DYNC1I1: variants seen among roughly 807,000 people sequenced by gnomAD.
The protein encoded by DYNC1I1 is dynein cytoplasmic 1 intermediate chain 1.
A neutral mutation model predicts 86.6 loss-of-function variants in DYNC1I1; 43 were observed. That is an observed-to-expected ratio of 0.50 (90% CI 0.39 to 0.64). DYNC1I1 has a LOEUF of 0.64. Ranked by LOEUF, DYNC1I1 falls within the 30% of genes least tolerant of loss-of-function variation. The pLI is 0.00. For missense variants in DYNC1I1, 604 were observed against 788.8 expected, an observed-to-expected ratio of 0.77 and a Z score of 2.81; for synonymous variants, 262 against 283.7, an observed-to-expected ratio of 0.92 and a Z score of 0.77.
At chr7:95,795,527 A>G (rs1794412800) in intron 1 of DYNC1I1, among the ~76,000 whole-genome samples, 1 of 152,216 alleles carries the variant, frequency 6.6e-6, no homozygotes, top group Non-Finnish European at 1.5e-5. Context: ...AAAATGTGGT[A>G]TATGTATGCC....
chr7:95,935,091 G>A (rs1166860058), intron 6 of DYNC1I1, among the ~76,000 whole-genome samples: 2 of 151,810 alleles, frequency 1.3e-5, no homozygotes, highest in Non-Finnish European at 1.5e-5. Context: ...TATTCACCTT[G>A]CTTGAGTGAA....
chr7:95,904,238 C>G (rs1169098010), intron 6 of DYNC1I1, among the ~76,000 whole-genome samples: 1 of 152,104 alleles, frequency 6.6e-6, no homozygotes, highest in African/African-American at 2.4e-5. Context: ...TACCAAGGAC[C>G]TGGACCCTAG....
chr7:96,078,863 A>G (rs146697759), intron 15 of DYNC1I1, among the ~76,000 whole-genome samples: 1 of 152,290 alleles, frequency 6.6e-6, no homozygotes, highest in African/African-American at 2.4e-5. Flanking sequence ...CACAGTCATA[A>G]TAAAGTGTAT....
intron 6 of DYNC1I1, among the ~76,000 whole-genome samples, chr7:95,902,192 G>T (rs1362272971): frequency 6.6e-6 from 1 of 152,168 alleles, no homozygotes; most frequent in Non-Finnish European, 1.5e-5. Context: ...ATGAGCCCAG[G>T]AGATAATTGC....
chr7:96,028,449 C>A, intron 11 of DYNC1I1, 128 bp downstream of exon 11: 1 of 1,260,272 alleles, frequency 7.9e-7, no homozygotes, highest in Non-Finnish European at 1.1e-6. Flanking sequence ...ATGATTGAAT[C>A]CTGACCAGCT....
intron 14 of DYNC1I1, chr7:96,055,723 A>G (rs1015298743): frequency 3.3e-5 from 5 of 152,224 alleles, no homozygotes; most frequent in Non-Finnish European, 7.3e-5. Flanking sequence ...TTGTAAAAGA[A>G]ATATTGAAAT....
chr7:95,838,877 T>C (rs1264014000), intron 5 of DYNC1I1, among the ~76,000 whole-genome samples: 1 of 152,140 alleles, frequency 6.6e-6, no homozygotes, highest in Non-Finnish European at 1.5e-5. Flanking sequence ...TTTTGTGGAG[T>C]CTATAAAGTT....
At chr7:96,093,142 C>T (rs370919135) in intron 16 of DYNC1I1, among the ~76,000 whole-genome samples, 6 of 152,084 alleles carry the variant, frequency 3.9e-5, no homozygotes, top group East Asian at 1.9e-4. Context: ...TGCCACAAAA[C>T]GTATCATTTT....
chr7:96,048,067 C>T (rs1368358528), intron 14 of DYNC1I1, among the ~76,000 whole-genome samples: 1 of 151,828 alleles, frequency 6.6e-6, no homozygotes, highest in African/African-American at 2.4e-5. Context: ...GAGTCAGAGG[C>T]AGTTATCTGT....
chr7:96,071,400 C>T (rs944878221), intron 14 of DYNC1I1, among the ~76,000 whole-genome samples: 2 of 152,158 alleles, frequency 1.3e-5, no homozygotes, highest in Non-Finnish European at 1.5e-5. Flanking sequence ...TCGTAAGATG[C>T]GAAAAGTAAG....
Position 96,076,074 on chromosome 7 carries a change from C to T in DYNC1I1, c.1527C>T (p.Tyr509=). The change falls in exon 15 of 17, where the codon TAC becomes TAT. Residue 509 remains tyrosine, a synonymous_variant. Transcript: ENST00000447467. The part of the protein sequence containing the change: ...LWTTKHNKPL[Y]SFEDNADYVY... The stretch of plus-strand genomic sequence containing the variant: ...CTTTACAGCACAACAAGCCGCTCTA[C>T]TCCTTTGAAGACAATGCAGACTATG... The T allele has an allele frequency of 6.2e-7, 1 of 1,614,062 alleles. No individual in the cohort carries two copies. The highest frequency in any genetic ancestry group is 2.2e-5 in the East Asian group (1 of 44,870).
chr7:96,002,142 C>T (rs1490303419), intron 10 of DYNC1I1, among the ~76,000 whole-genome samples: 2 of 152,126 alleles, frequency 1.3e-5, no homozygotes, highest in African/African-American at 2.4e-5. Flanking sequence ...GAGGTGAGAC[C>T]CTCTCCACAA....
chr7:95,812,743 C>G (rs1794857236), intron 3 of DYNC1I1, among the ~76,000 whole-genome samples: 1 of 152,190 alleles, frequency 6.6e-6, no homozygotes. Flanking sequence ...CCACAGAGTA[C>G]ATTTCTCTCT....
At chr7:95,803,213 A>G (rs1794623065) in intron 1 of DYNC1I1, among the ~76,000 whole-genome samples, 1 of 152,234 alleles carries the variant, frequency 6.6e-6, no homozygotes, top group Admixed American at 6.5e-5. Context: ...GTGATAATGA[A>G]TGTCAAAGGC....
At chr7:95,892,890 C>T (rs867681220) in intron 6 of DYNC1I1, among the ~76,000 whole-genome samples, 1 of 152,194 alleles carries the variant, frequency 6.6e-6, no homozygotes. Flanking sequence ...AATCCACAAT[C>T]ACTTGCTTTT....
Position 95,950,067 on chromosome 7 carries a change from T to G in DYNC1I1, c.491-27445T>G, listed in dbSNP as rs985657952. 8.0e-4 allele frequency among the ~76,000 whole-genome samples: 122 copies of G among 152,312 alleles called. 1 individual carries two copies. The highest frequency in any genetic ancestry group is 2.6e-3 in the African/African-American group (110 of 41,566). On this transcript the variant is annotated intron_variant, in intron 6 of 16. Coordinates refer to ENST00000447467, the MANE Select transcript of DYNC1I1 (RefSeq NM_001135556.2). Reference sequence around the variant, plus strand: ...TTTAGACGTATTCACTTTGAATTCTTTCCTTTTTCCTTACTTGGTAAATAT... The same window carrying G: ...TTTAGACGTATTCACTTTGAATTCTGTCCTTTTTCCTTACTTGGTAAATAT...
At chr7:96,010,482 C>G (rs941233839) in intron 10 of DYNC1I1, among the ~76,000 whole-genome samples, 1 of 152,190 alleles carries the variant, frequency 6.6e-6, no homozygotes, top group Non-Finnish European at 1.5e-5. Context: ...CTAGAAGCCT[C>G]GCTTTTCCTC....
intron 5 of DYNC1I1, among the ~76,000 whole-genome samples, chr7:95,831,793 T>C (rs1788910944): frequency 6.6e-6 from 1 of 152,170 alleles, no homozygotes; most frequent in Admixed American, 6.5e-5. Context: ...TATGTCTTCT[T>C]TGGAGATAAG....
chr7:95,872,537 C>T (rs1001713534), intron 6 of DYNC1I1, among the ~76,000 whole-genome samples: 3 of 152,130 alleles, frequency 2.0e-5, no homozygotes, highest in African/African-American at 7.2e-5. Context: ...CAAGCTTAAG[C>T]ATCCTTTCTG....
Sources: gnomAD v4.1 joint callset for allele counts (sites outside exome capture counted in the v4.1 genomes callset) on GRCh38, gnomAD v4.1.1 for gene constraint, MANE v1.5 for transcripts, NCBI Gene and HGNC (gene_info 2026-07-23, HGNC 2026-07-21) for gene names.